The following CLSTN2 variants were observed in gnomAD, a reference collection of about 807,000 sequenced individuals.
CLSTN2 encodes calsyntenin 2, also known as calsyntenin-2.
A neutral mutation model predicts 101.2 loss-of-function variants in CLSTN2; 48 were observed. That is an observed-to-expected ratio of 0.47 (90% CI 0.38 to 0.60). CLSTN2 has a LOEUF of 0.60. CLSTN2 is among the 20% of genes least tolerant of loss of function. The pLI is 0.00. For missense variants in CLSTN2, 1,160 were observed against 1,238.2 expected, an observed-to-expected ratio of 0.94 and a Z score of 0.95; for synonymous variants, 481 against 463.6, an observed-to-expected ratio of 1.04 and a Z score of -0.48.
chr3:140,298,516 G>A (rs543191156), intron 2 of CLSTN2, among the ~76,000 whole-genome samples: 1 of 152,316 alleles, frequency 6.6e-6, no homozygotes, highest in South Asian at 2.1e-4. Flanking sequence ...GATAAAAAAT[G>A]TTGAGGACAC....
intron 2 of CLSTN2, among the ~76,000 whole-genome samples, chr3:140,318,981 G>T (rs1487923916): frequency 1.3e-5 from 2 of 152,118 alleles, no homozygotes; most frequent in African/African-American, 4.8e-5. Context: ...ATTACTGTGA[G>T]AATCCATAAA....
intron 1 of CLSTN2, among the ~76,000 whole-genome samples, chr3:140,162,352 G>C (rs2010061999): frequency 6.6e-6 from 1 of 152,134 alleles, no homozygotes; most frequent in Non-Finnish European, 1.5e-5. Context: ...TTTACATCCA[G>C]TATAGTACTT....
At chr3:140,271,754 G>T (rs973083224) in intron 2 of CLSTN2, among the ~76,000 whole-genome samples, 3 of 152,192 alleles carry the variant, frequency 2.0e-5, no homozygotes, top group African/African-American at 7.2e-5. Context: ...ATAGCAAAAA[G>T]ACTATGTGTT....
intron 2 of CLSTN2, among the ~76,000 whole-genome samples, chr3:140,196,179 G>T (rs532427169): frequency 1.3e-5 from 2 of 152,178 alleles, no homozygotes. Context: ...GAAAAAACAG[G>T]CACCTTTTAG....
intron 2 of CLSTN2, among the ~76,000 whole-genome samples, chr3:140,371,520 C>T (rs1043977655): frequency 2.0e-5 from 3 of 152,158 alleles, no homozygotes; most frequent in African/African-American, 7.2e-5. Context: ...TGTAAATCAG[C>T]CCCTGAGGCC....
chr3:139,980,715 T>C (rs561408103), intron 1 of CLSTN2, among the ~76,000 whole-genome samples: 19 of 152,246 alleles, frequency 1.2e-4, no homozygotes. Context: ...CCCTGATTTA[T>C]CCACAGCCCC....
chr3:139,966,832 C>A (rs955903920), intron 1 of CLSTN2, among the ~76,000 whole-genome samples: 10 of 152,126 alleles, frequency 6.6e-5, no homozygotes, highest in African/African-American at 1.9e-4. Context: ...GCGAAGTGGG[C>A]AGGACCCAAG....
rs148089180 is a variant in CLSTN2, at chr3:140,558,845, G to A, written c.2029G>A (p.Val677Met). 3.9e-4 allele frequency: 634 copies of A among 1,613,706 alleles called. 8 individuals are homozygous for A. The African/African-American group carries it at 5.4e-3, about 14-fold the overall frequency. ...CGCCAAAACCGAAGCCCCCGGGGACGTGAAAACCACAGGTACAGGTGCATT... is the reference window on the plus strand; with the variant it reads ...CGCCAAAACCGAAGCCCCCGGGGACATGAAAACCACAGGTACAGGTGCATT... ...TFAKTEAPGD[V>M]KTTDPKSEVL... The change falls in exon 12 of 17, where the codon GTG becomes ATG. Residue 677 changes from valine (V) to methionine (M), a missense_variant. Coordinates refer to ENST00000458420, the MANE Select transcript of CLSTN2 (RefSeq NM_022131.3).
intron 9 of CLSTN2, among the ~76,000 whole-genome samples, chr3:140,535,679 C>T (rs1426490590): frequency 1.3e-5 from 2 of 152,154 alleles, no homozygotes; most frequent in African/African-American, 4.8e-5. Flanking sequence ...TGCAAGGAGG[C>T]CCTTTATACA....
At chr3:140,477,623 T>C (rs1366265908) in intron 8 of CLSTN2, among the ~76,000 whole-genome samples, 1 of 152,202 alleles carries the variant, frequency 6.6e-6, no homozygotes, top group African/African-American at 2.4e-5. Context: ...ATACTGAAAT[T>C]GAGGCTCTGA....
At chr3:140,098,847 CA>C (rs1236505527) in intron 1 of CLSTN2, among the ~76,000 whole-genome samples, 2 of 152,102 alleles carry the variant, frequency 1.3e-5, no homozygotes, top group African/African-American at 4.8e-5. Flanking sequence ...TCCCTAGGAG[CA>C]GGGGTGAGAG....
At position 140,044,314 on chromosome 3, in the gene CLSTN2, G is replaced by T. The variant is rs546369888; in HGVS notation, c.109+108831G>T. On this transcript the variant is annotated intron_variant, in intron 1 of 16. Coordinates refer to ENST00000458420, the MANE Select transcript of CLSTN2 (RefSeq NM_022131.3). ...CAATTGTGAATGGGAGTTCACTCATGATTTGGCTCTCTGTTTGTCTGTTAT... is the reference window on the plus strand; with the variant it reads ...CAATTGTGAATGGGAGTTCACTCATTATTTGGCTCTCTGTTTGTCTGTTAT... 4.6e-5 allele frequency among the ~76,000 whole-genome samples: 7 copies of T among 152,310 alleles called. No individual in the cohort carries two copies. In the South Asian group the frequency reaches 1.5e-3, roughly 32 times the overall value.
chr3:140,013,887 C>T (rs1419403234), intron 1 of CLSTN2, among the ~76,000 whole-genome samples: 1 of 137,706 alleles, frequency 7.3e-6, no homozygotes, highest in East Asian at 2.0e-4. Context: ...AAGGTCAGAG[C>T]TCAGCCCTGT....
At chr3:140,034,555 C>A (rs1403915448) in intron 1 of CLSTN2, among the ~76,000 whole-genome samples, 2 of 152,198 alleles carry the variant, frequency 1.3e-5, no homozygotes, top group Non-Finnish European at 2.9e-5. Context: ...CTTGCAAATG[C>A]TGAGCCTGGC....
At chr3:140,194,155 G>A (rs979617870) in intron 2 of CLSTN2, among the ~76,000 whole-genome samples, 1 of 152,110 alleles carries the variant, frequency 6.6e-6, no homozygotes, top group Non-Finnish European at 1.5e-5. Flanking sequence ...CATACCCTAG[G>A]TGGCTAATAA....
At chr3:140,022,873 T>G (rs568310634) in intron 1 of CLSTN2, among the ~76,000 whole-genome samples, 24 of 152,252 alleles carry the variant, frequency 1.6e-4, no homozygotes, top group African/African-American at 5.8e-4. Context: ...ACAGGACATA[T>G]GGAAAGGAGC....
chr3:140,000,460 A>T lies in CLSTN2; in HGVS notation c.109+64977A>T, dbSNP rs1003585234. Among the ~76,000 whole-genome samples the T allele has an allele frequency of 3.3e-5, 5 of 152,238 alleles. No individual in the cohort carries two copies. The East Asian group carries it at 9.6e-4, about 29-fold the overall frequency. On this transcript the variant is annotated intron_variant, in intron 1 of 16. Transcript: ENST00000458420. ...TAAGATGTAATAAATCATAATAGTA[A>T]TTAATACAATTGTGATAATATAATG...
chr3:140,512,644 G>A (rs560052520), intron 8 of CLSTN2, among the ~76,000 whole-genome samples: 7 of 151,126 alleles, frequency 4.6e-5, no homozygotes, highest in African/African-American at 1.2e-4. Context: ...TTCTAATTTC[G>A]TGAAGAATGT....
chr3:140,550,640 A>T (rs1370199507), intron 10 of CLSTN2, among the ~76,000 whole-genome samples: 1 of 152,074 alleles, frequency 6.6e-6, no homozygotes, highest in Non-Finnish European at 1.5e-5. Flanking sequence ...GGCCCCATAG[A>T]GCAAAAACAC....
Sources: allele counts gnomAD v4.1 joint callset (sites outside exome capture counted in the v4.1 genomes callset), GRCh38; gene constraint gnomAD v4.1.1; transcripts MANE v1.5; gene names NCBI Gene and HGNC (gene_info 2026-07-23, HGNC 2026-07-21).